PTPRD: variants seen among roughly 807,000 people sequenced by gnomAD.
PTPRD encodes receptor-type tyrosine-protein phosphatase delta.
PTPRD carries 34 observed loss-of-function variants against 214.5 expected under a neutral mutation model. That is an observed-to-expected ratio of 0.16 (90% CI 0.12 to 0.21). The LOEUF is 0.21. Among genes scored for constraint, PTPRD ranks in the 10% least tolerant of loss-of-function variants. The probability of loss-of-function intolerance (pLI) is 1.00; values close to 1 mark genes in which losing one functional copy is unlikely to be tolerated. For synonymous variants in PTPRD, 1,128 were observed against 845.7 expected (o/e 1.33, Z -5.79); for missense variants, 2,545 against 2,398.7 (o/e 1.06, Z -1.27).
intron 12 of PTPRD, among the ~76,000 whole-genome samples, chr9:8,705,940 G>T (rs906319815): frequency 6.6e-6 from 1 of 152,126 alleles, no homozygotes; most frequent in Non-Finnish European, 1.5e-5. Context: ...CTGTGATTCG[G>T]AGCATTTAGT....
intron 12 of PTPRD, among the ~76,000 whole-genome samples, chr9:8,660,506 G>C (rs1436809361): frequency 2.6e-5 from 4 of 152,066 alleles, no homozygotes; most frequent in Admixed American, 2.6e-4. Context: ...CTATTACTGA[G>C]TCTGCTTTAT....
At chr9:9,438,184 T>C (rs903405705) in intron 8 of PTPRD, among the ~76,000 whole-genome samples, 2 of 152,150 alleles carry the variant, frequency 1.3e-5, no homozygotes, top group Non-Finnish European at 2.9e-5. Flanking sequence ...ATCCTATCTT[T>C]AGCATCATAT....
At chr9:9,859,328 T>C (rs1252526665) in intron 5 of PTPRD, among the ~76,000 whole-genome samples, 6 of 152,206 alleles carry the variant, frequency 3.9e-5, no homozygotes, top group African/African-American at 1.4e-4. Context: ...CCAATCACAA[T>C]CAATTGCAAC....
chr9:9,978,351 A>G (rs1472070942), intron 4 of PTPRD, among the ~76,000 whole-genome samples: 1 of 152,150 alleles, frequency 6.6e-6, no homozygotes, highest in Non-Finnish European at 1.5e-5. Context: ...GCAGAGAGAT[A>G]AAATCTATAA....
chr9:8,331,887 G>T (rs969971465), intron 43 of PTPRD, 151 bp from the exon 44 acceptor site: 1 of 872,906 alleles, frequency 1.1e-6, no homozygotes, highest in Non-Finnish European at 1.7e-6. Flanking sequence ...CTTAGTTATG[G>T]TTTATCTGCT....
At chr9:9,618,691 A>G (rs1456213469) in intron 7 of PTPRD, among the ~76,000 whole-genome samples, 1 of 152,224 alleles carries the variant, frequency 6.6e-6, no homozygotes, top group Non-Finnish European at 1.5e-5. Context: ...GGTATCAGAT[A>G]TTCAAATACA....
intron 3 of PTPRD, among the ~76,000 whole-genome samples, chr9:10,041,898 G>T (rs535281476): frequency 6.6e-6 from 1 of 152,118 alleles, no homozygotes; most frequent in African/African-American, 2.4e-5. Context: ...GATCTCATCT[G>T]CTCATGGCAA....
intron 3 of PTPRD, among the ~76,000 whole-genome samples, chr9:10,169,222 C>G (rs909035350): frequency 6.6e-6 from 1 of 152,032 alleles, no homozygotes; most frequent in African/African-American, 2.4e-5. Context: ...CGCCTGTAAT[C>G]CCAGCACTTT....
At chr9:9,270,688 T>A (rs1264461727) in intron 9 of PTPRD, among the ~76,000 whole-genome samples, 2 of 151,410 alleles carry the variant, frequency 1.3e-5, no homozygotes, top group Non-Finnish European at 3.0e-5. Flanking sequence ...TATAGAAAGA[T>A]TTCATTGGCT....
chr9:8,746,527 C>A (rs1367660824), intron 11 of PTPRD, among the ~76,000 whole-genome samples: 4 of 152,048 alleles, frequency 2.6e-5, no homozygotes, highest in Non-Finnish European at 5.9e-5. Context: ...AATACTGAAA[C>A]AAAATACACA....
At chr9:9,611,888 T>C (rs1405366259) in intron 7 of PTPRD, among the ~76,000 whole-genome samples, 2 of 152,138 alleles carry the variant, frequency 1.3e-5, no homozygotes, top group South Asian at 2.1e-4. Flanking sequence ...CACTTTGAAC[T>C]GGCATGAACA....
chr9:9,999,069 G>A (rs1367990415), intron 4 of PTPRD, among the ~76,000 whole-genome samples: 3 of 152,106 alleles, frequency 2.0e-5, no homozygotes, highest in Non-Finnish European at 2.9e-5. Flanking sequence ...AAGCCTCAAG[G>A]CATTAGCACA....
chr9:8,852,111 T>A (rs1361293365), intron 11 of PTPRD, among the ~76,000 whole-genome samples: 1 of 152,102 alleles, frequency 6.6e-6, no homozygotes, highest in African/African-American at 2.4e-5. Flanking sequence ...TTACAGAGGA[T>A]CACTTTATGT....
intron 11 of PTPRD, among the ~76,000 whole-genome samples, chr9:8,757,435 G>A (rs941069773): frequency 2.0e-5 from 3 of 151,542 alleles, no homozygotes; most frequent in East Asian, 3.9e-4. Flanking sequence ...CTAATAAATC[G>A]GCTATTTTAC....
intron 3 of PTPRD, among the ~76,000 whole-genome samples, chr9:10,242,044 CAA>C (rs1428713686): frequency 3.3e-5 from 5 of 151,780 alleles, no homozygotes; most frequent in African/African-American, 1.2e-4. Context: ...GAAACTCAGA[CAA>C]GAGGAAAAAG....
At chr9:8,614,255 G>A (rs560871181) in intron 14 of PTPRD, among the ~76,000 whole-genome samples, 1 of 152,238 alleles carries the variant, frequency 6.6e-6, no homozygotes, top group South Asian at 2.1e-4. Context: ...TACTTATGGT[G>A]ATTTCAGCCA....
chr9:9,478,833 G>A (rs543946226), intron 8 of PTPRD, among the ~76,000 whole-genome samples: 20 of 152,260 alleles, frequency 1.3e-4, no homozygotes, highest in African/African-American at 4.6e-4. Context: ...TGCTCTGTTG[G>A]AGGTAGTTCA....
intron 4 of PTPRD, among the ~76,000 whole-genome samples, chr9:9,979,563 G>T (rs1192496046): frequency 6.6e-6 from 1 of 151,772 alleles, no homozygotes; most frequent in Non-Finnish European, 1.5e-5. Context: ...TTTAAAGATG[G>T]AATTGTAACA....
At chr9:9,479,584 T>C (rs188216158) in intron 8 of PTPRD, among the ~76,000 whole-genome samples, 182 of 152,282 alleles carry the variant, frequency 1.2e-3, no homozygotes, top group African/African-American at 3.7e-3. Context: ...TTTTTCTATA[T>C]AGAATTCAAA....
Sources: gnomAD v4.1 joint callset for allele counts (sites outside exome capture counted in the v4.1 genomes callset) on GRCh38, gnomAD v4.1.1 for gene constraint, MANE v1.5 for transcripts, NCBI Gene and HGNC (gene_info 2026-07-23, HGNC 2026-07-21) for gene names.